DYNC1H1: variants seen among roughly 807,000 people sequenced by gnomAD.
The protein encoded by DYNC1H1 is dynein cytoplasmic 1 heavy chain 1.
A neutral mutation model predicts 527.1 loss-of-function variants in DYNC1H1; 51 were observed. The observed-to-expected ratio is 0.10, with a 90% CI of 0.08 to 0.12. The LOEUF (loss-of-function observed/expected upper bound fraction) is 0.12, where lower values mean the gene tolerates loss of function less well. Ranked by LOEUF, DYNC1H1 falls within the 10% of genes least tolerant of loss-of-function variation. The pLI, the probability that DYNC1H1 is intolerant of heterozygous loss-of-function variation, is 1.00. For missense variants in DYNC1H1, 2,771 were observed against 5,971.8 expected (o/e 0.46, Z 17.66); for synonymous variants, 2,189 against 2,278.8 (o/e 0.96, Z 1.12).
intron 1 of DYNC1H1, among the ~76,000 whole-genome samples, chr14:101,973,418 C>G (rs961012905): frequency 2.6e-5 from 4 of 152,032 alleles, no homozygotes; most frequent in South Asian, 2.1e-4. Context: ...CCTCGGCCTC[C>G]CAAAGTGCTG....
intron 41 of DYNC1H1, 50 bp from the exon 42 acceptor site, chr14:102,019,843 C>T (rs373278415): frequency 5.6e-6 from 9 of 1,611,292 alleles, no homozygotes; most frequent in Non-Finnish European, 7.6e-6. Context: ...GACCACTTCT[C>T]TGTGTCTTAA....
At chr14:101,968,528 CCCA>C in intron 1 of DYNC1H1, among the ~76,000 whole-genome samples, 1 of 151,816 alleles carries the variant, frequency 6.6e-6, no homozygotes, top group East Asian at 1.9e-4. Context: ...GCTACCACAC[CCCA>C]CGTGTTTGTT....
chr14:102,017,549 C>G lies in DYNC1H1; in HGVS notation c.8177+45C>G. The G allele has an allele frequency of 6.6e-7, 1 of 1,517,696 alleles. No individual in the cohort carries two copies. Among genetic ancestry groups the G allele is most frequent in the East Asian group, 2.4e-5 (1 of 41,924 alleles). The allele number at this position is 1,517,696 out of a possible 1,614,324, so 94.0% of individuals were successfully genotyped here. A position where few individuals can be genotyped will look rare whatever the true frequency, so the allele number is the denominator to read the frequency against. On this transcript the variant is annotated intron_variant, in intron 40 of 77. Transcript: ENST00000360184. This position sits in a 1 kb window ranked among gnomAD's most constrained non-coding sequence, Gnocchi z 4.6. ...TGCTCTGCTTCACACACGCACAGCT[C>G]CAGGATTGCTGTAAACACAGCGCCA...
Position 102,000,121 on chromosome 14 carries a change from A to G in DYNC1H1, c.3937A>G (p.Ser1313Gly), listed in dbSNP as rs895568337. The part of the protein sequence containing the change: ...ALELTDTGLL[S>G]GSEERVQVAL... ...GGAATTGACAGATACTGGGCTTCTCAGTGGCAGTGAAGAGCGCGTGCAGGT... is the reference window on the plus strand; with the variant it reads ...GGAATTGACAGATACTGGGCTTCTCGGTGGCAGTGAAGAGCGCGTGCAGGT... The change falls in exon 17 of 78, where the codon AGT becomes GGT. Residue 1313 changes from serine (S) to glycine (G), a missense_variant. This residue lies in a region of DYNC1H1 where 223 missense variants were observed against 462.5 expected (regional missense o/e 0.48). Transcript: ENST00000360184. 6 of 1,614,252 alleles carry G rather than the reference A, an allele frequency of 3.7e-6. No homozygotes were observed. The East Asian group carries it at 1.1e-4, about 30-fold the overall frequency.
intron 10 of DYNC1H1, among the ~76,000 whole-genome samples, chr14:101,989,297 T>G (rs780048467): frequency 1.3e-5 from 2 of 152,260 alleles, no homozygotes; most frequent in African/African-American, 4.8e-5. Flanking sequence ...CAGAAGTCAG[T>G]GTTCAGACCA....
At chr14:102,034,532 T>C in intron 56 of DYNC1H1, 80 bp downstream of exon 56, 2 of 1,605,626 alleles carry the variant, frequency 1.2e-6, no homozygotes, top group South Asian at 1.1e-5. Flanking sequence ...ACACCCTTGT[T>C]TGAAGAGAGG....
At chr14:101,984,932 CAAAAAAAAAAAAAAAAA>C (rs773102943) in intron 7 of DYNC1H1, among the ~76,000 whole-genome samples, 6 of 40,164 alleles carry the variant, frequency 1.5e-4, no homozygotes, top group Admixed American at 5.4e-4. Context: ...GGCTCCGTCT[CAAAAAAAAAAAAAAAAA>C]AAAAAAAAGG....
In DYNC1H1 at chr14:101,975,806, A is replaced by T; in HGVS notation, c.344+7A>T. 1 of 1,584,654 alleles carries T rather than the reference A, an allele frequency of 6.3e-7. No homozygotes were observed. The highest frequency in any genetic ancestry group is 2.2e-5 in the East Asian group (1 of 44,656). ...ATGGGGTTAAATCCAATAGGTGAGT[A>T]GTACAAATATTACCATTATCTCAGG... On this transcript the variant is annotated splice_region_variant and intron_variant, in intron 2 of 77. Transcript: ENST00000360184.
intron 57 of DYNC1H1, chr14:102,037,723 C>T (rs2048594579): frequency 6.5e-6 from 1 of 153,550 alleles, no homozygotes; most frequent in Non-Finnish European, 1.4e-5. Context: ...ATGTAACAAA[C>T]CTGCACTTGT....
intron 77 of DYNC1H1, 82 bp downstream of exon 77, chr14:102,050,280 G>A: frequency 6.2e-7 from 1 of 1,611,990 alleles, no homozygotes; most frequent in Non-Finnish European, 8.5e-7. Context: ...TTCTATGCCT[G>A]GGTTCCACTT....
intron 7 of DYNC1H1, among the ~76,000 whole-genome samples, chr14:101,984,022 C>T (rs527753720): frequency 1.3e-5 from 2 of 152,094 alleles, no homozygotes; most frequent in South Asian, 4.2e-4. Context: ...GGCTGGAGTA[C>T]AGTGAAGTGA....
At position 102,012,184 on chromosome 14, in the gene DYNC1H1, A is replaced by C; in HGVS notation, c.6857+71A>C. ...CTAAGTACTTTGCTCTCACAAGAGC[A>C]GAGTATACGTTATTTTTCAACCAAA... On this transcript the variant is annotated intron_variant, in intron 33 of 77. Transcript: ENST00000360184. This position sits in a 1 kb window ranked among gnomAD's most constrained non-coding sequence, Gnocchi z 4.9. 6.2e-7 allele frequency: 1 copy of C among 1,611,116 alleles called. No homozygotes were observed. Among genetic ancestry groups the C allele is most frequent in the Non-Finnish European group, 8.5e-7 (1 of 1,177,470 alleles).
chr14:102,011,169 C>T lies in DYNC1H1; in HGVS notation c.6618+217C>T, dbSNP rs1425970840. ...CTTAACCTGAAAATTTTACATGATA[C>T]AGTTCAATTTCTGAAAATGCTAAGT... On this transcript the variant is annotated intron_variant, in intron 32 of 77. Transcript: ENST00000360184. This position sits in a 1 kb window ranked among gnomAD's most constrained non-coding sequence, Gnocchi z 5.3. 3 of 603,034 alleles carry T rather than the reference C, an allele frequency of 5.0e-6. No individual in the cohort carries two copies. The highest frequency in any genetic ancestry group is 3.0e-5 in the East Asian group (1 of 33,898). 37.4% of individuals were successfully genotyped at this position (603,034 alleles called of 1,614,324 possible).
At position 102,022,774 on chromosome 14, in the gene DYNC1H1, G is replaced by A. The variant is rs150520534; in HGVS notation, c.8531G>A (p.Arg2844His). The change falls in exon 43 of 78, where the codon CGT becomes CAT. Residue 2844 changes from arginine (R) to histidine (H), a missense_variant. By Grantham distance (29) the Arg-to-His change is conservative. This residue lies in a region of DYNC1H1 where 163 missense variants were observed against 346.9 expected (regional missense o/e 0.47). Coordinates refer to ENST00000360184, the MANE Select transcript of DYNC1H1 (RefSeq NM_001376.5). The stretch of plus-strand genomic sequence containing the variant: ...AGACTCGTAGAGGATGAGGAGAGGC[G>A]TTGGACTGATGAGAACATCGACACG... ...QDRLVEDEER[R>H]WTDENIDTVA... 28 of 1,614,020 alleles carry A rather than the reference G, an allele frequency of 1.7e-5. No individual in the cohort carries two copies. Among genetic ancestry groups the A allele is most frequent in the South Asian group, 2.2e-5 (2 of 91,094 alleles).
Position 102,002,449 on chromosome 14 carries a change from A to T in DYNC1H1, c.4543-88A>T. On this transcript the variant is annotated intron_variant, in intron 21 of 77. Transcript: ENST00000360184. This position sits in a 1 kb window ranked among gnomAD's most constrained non-coding sequence, Gnocchi z 4.4. ...AATGTGAATCAGATTACTTCATGAG[A>T]TCCTGATCTGCGCTTTTTCAGTGAG... is the stretch of plus-strand genomic sequence containing the variant. 6.5e-7 allele frequency: 1 copy of T among 1,543,268 alleles called. No homozygotes were observed.
rs2048272391 is a variant in DYNC1H1 at position 102,012,804 on chromosome 14, T to C, written c.7014+334T>C. The C allele has an allele frequency of 7.9e-6, 3 of 379,088 alleles. No homozygotes were observed. Among genetic ancestry groups the C allele is most frequent in the South Asian group, 6.7e-5 (3 of 44,832 alleles). 23.5% of individuals were successfully genotyped at this position (379,088 alleles called of 1,614,324 possible). A position where few individuals can be genotyped will look rare whatever the true frequency, so the allele number is the denominator to read the frequency against. ...CTAGAGAGCTGGGAAAATGAGAAATTTGGAATGGGGCTTTCTAGGCTGTCC... is the reference window on the plus strand; with the variant it reads ...CTAGAGAGCTGGGAAAATGAGAAATCTGGAATGGGGCTTTCTAGGCTGTCC... On this transcript the variant is annotated intron_variant, in intron 34 of 77. Coordinates refer to ENST00000360184, the MANE Select transcript of DYNC1H1 (RefSeq NM_001376.5). This position sits in a 1 kb window ranked among gnomAD's most constrained non-coding sequence, Gnocchi z 4.9.
chr14:101,985,797 C>T lies in DYNC1H1; in HGVS notation c.1572C>T (p.Asn524=). 1 of 1,614,108 alleles carries T rather than the reference C, an allele frequency of 6.2e-7. No individual in the cohort carries two copies. Among genetic ancestry groups the T allele is most frequent in the Non-Finnish European group, 8.5e-7 (1 of 1,180,024 alleles). ...ATGCAAATGCCATTGAGGAAGTAAA[C>T]CTTGCTTATGAGAACGTCAAGGAAG... ...AADANAIEEV[N]LAYENVKEVD... Residue 524 remains asparagine, a synonymous_variant, in exon 8 of 78, where the codon AAC becomes AAT. Coordinates refer to ENST00000360184, the MANE Select transcript of DYNC1H1 (RefSeq NM_001376.5). The surrounding 1 kb of genome is among the most constrained non-coding windows in gnomAD (Gnocchi z 5.9).
At chr14:101,967,873 T>C (rs1352110480) in intron 1 of DYNC1H1, among the ~76,000 whole-genome samples, 2 of 152,170 alleles carry the variant, frequency 1.3e-5, no homozygotes, top group Non-Finnish European at 2.9e-5. Context: ...ATAAATGTTG[T>C]GAATTTAACA....
Position 102,020,570 on chromosome 14 carries a change from C to T in DYNC1H1, c.8507+514C>T, listed in dbSNP as rs1414341779. On this transcript the variant is annotated intron_variant, in intron 42 of 77. Coordinates refer to ENST00000360184, the MANE Select transcript of DYNC1H1 (RefSeq NM_001376.5). The surrounding 1 kb of genome is among the most constrained non-coding windows in gnomAD (Gnocchi z 4.3). ...CTCATCAAAGGCTTTGCAGCTGCAG[C>T]TCTGGGGCACTGGTTTTCTCTTTTA... Among the ~76,000 whole-genome samples the T allele has an allele frequency of 6.6e-6, 1 of 152,174 alleles. No individual in the cohort carries two copies. The highest frequency in any genetic ancestry group is 1.5e-5 in the Non-Finnish European group (1 of 68,048).
Sources: allele counts gnomAD v4.1 joint callset (sites outside exome capture counted in the v4.1 genomes callset), GRCh38; gene constraint gnomAD v4.1.1; regional missense constraint gnomAD v4.1.1; non-coding constraint Gnocchi (gnomAD v3.1); transcripts MANE v1.5; gene names NCBI Gene and HGNC (gene_info 2026-07-23, HGNC 2026-07-21).